SAXO1: variants seen among roughly 807,000 people sequenced by gnomAD.
SAXO1 encodes 4930500O09Rik.
A neutral mutation model predicts 17.5 loss-of-function variants in SAXO1; 21 were observed. That is an observed-to-expected ratio of 1.20 (90% CI 0.85 to 1.72). The LOEUF is 1.72. Among genes scored for constraint, SAXO1 ranks in the 40% most tolerant of loss-of-function variants. The pLI is 0.00. For synonymous variants in SAXO1, 274 were observed against 216.5 expected, an observed-to-expected ratio of 1.27 and a Z score of -2.33; for missense variants, 843 against 596.0, an observed-to-expected ratio of 1.41 and a Z score of -4.32.
chr9:19,012,996 T>G (rs986444922), intron 1 of SAXO1, among the ~76,000 whole-genome samples: 2 of 152,210 alleles, frequency 1.3e-5, no homozygotes, highest in Non-Finnish European at 2.9e-5. Flanking sequence ...GAAACAACCC[T>G]GCCTCATCAG....
intron 1 of SAXO1, among the ~76,000 whole-genome samples, chr9:19,039,145 A>T (rs570927732): frequency 6.6e-6 from 1 of 152,282 alleles, no homozygotes; most frequent in East Asian, 1.9e-4. Flanking sequence ...AAAAGAAAAA[A>T]AAAAAAGAAA....
intron 2 of SAXO1, among the ~76,000 whole-genome samples, chr9:18,943,363 G>C (rs988504496): frequency 8.5e-5 from 13 of 152,184 alleles, no homozygotes; most frequent in Non-Finnish European, 1.9e-4. Context: ...GTACATATCG[G>C]GGCTTATGGA....
At chr9:19,019,432 A>C (rs949455717) in intron 1 of SAXO1, among the ~76,000 whole-genome samples, 1 of 152,098 alleles carries the variant, frequency 6.6e-6, no homozygotes, top group Non-Finnish European at 1.5e-5. Flanking sequence ...CAAGAGTCAG[A>C]AAAAGTATAC....
At chr9:18,946,377 A>T (rs779440643) in intron 2 of SAXO1, among the ~76,000 whole-genome samples, 4 of 151,842 alleles carry the variant, frequency 2.6e-5, no homozygotes, top group Admixed American at 1.3e-4. Context: ...AGAGTCAAAG[A>T]CAGGAAGCCC....
intron 1 of SAXO1, among the ~76,000 whole-genome samples, chr9:18,990,539 C>G (rs1833773217): frequency 6.6e-6 from 1 of 152,182 alleles, no homozygotes; most frequent in African/African-American, 2.4e-5. Flanking sequence ...CCACTACACT[C>G]AAGCCTGGGT....
At chr9:18,951,457 T>C (rs1176465440) in intron 1 of SAXO1, among the ~76,000 whole-genome samples, 1 of 152,198 alleles carries the variant, frequency 6.6e-6, no homozygotes, top group Non-Finnish European at 1.5e-5. Flanking sequence ...AAAATCACCT[T>C]AGTTCTGAGT....
At chr9:18,954,701 T>C (rs557422504) in intron 1 of SAXO1, among the ~76,000 whole-genome samples, 1 of 152,280 alleles carries the variant, frequency 6.6e-6, no homozygotes, top group South Asian at 2.1e-4. Flanking sequence ...ATCTCCATTA[T>C]GTTATGTAGA....
At chr9:18,957,636 T>C (rs753896514) in intron 1 of SAXO1, among the ~76,000 whole-genome samples, 5 of 152,092 alleles carry the variant, frequency 3.3e-5, no homozygotes, top group Non-Finnish European at 5.9e-5. Flanking sequence ...CTGCCCAGGA[T>C]CGCCAAACAC....
intron 1 of SAXO1, among the ~76,000 whole-genome samples, chr9:19,039,197 A>T (rs1836016555): frequency 6.6e-6 from 1 of 152,230 alleles, no homozygotes; most frequent in Non-Finnish European, 1.5e-5. Flanking sequence ...AAAGGATTAA[A>T]CACCATGACC....
chr9:19,002,844 T>A (rs1035903786), intron 1 of SAXO1, among the ~76,000 whole-genome samples: 3 of 152,240 alleles, frequency 2.0e-5, no homozygotes, highest in Non-Finnish European at 4.4e-5. Context: ...AAGACAAGGA[T>A]GCCTTCTCTC....
chr9:19,031,116 G>C (rs1303098941), intron 1 of SAXO1, among the ~76,000 whole-genome samples: 1 of 152,226 alleles, frequency 6.6e-6, no homozygotes, highest in African/African-American at 2.4e-5. Context: ...GGGCAGGAGG[G>C]AGACTTCTCA....
chr9:18,984,531 A>C (rs1455305042), intron 1 of SAXO1, among the ~76,000 whole-genome samples: 1 of 152,228 alleles, frequency 6.6e-6, no homozygotes, highest in African/African-American at 2.4e-5. Context: ...TCCTGCTTCA[A>C]CTTGCACTTT....
chr9:19,022,078 G>T (rs900015782), intron 1 of SAXO1, among the ~76,000 whole-genome samples: 1 of 152,202 alleles, frequency 6.6e-6, no homozygotes, highest in East Asian at 1.9e-4. Context: ...CTATCTTTAT[G>T]AGCTGTAACA....
In SAXO1 at chr9:18,953,170, T is replaced by C. The variant is rs553077463; in HGVS notation, c.39-2233A>G. On this transcript the variant is annotated intron_variant, in intron 1 of 3. Coordinates refer to ENST00000380534, the MANE Select transcript of SAXO1 (RefSeq NM_153707.4). Reference sequence around the variant, plus strand: ...GCATGTATATTTTATTCACCCACATTCTAAAAGAAAAGTCAAGATTTTATT... The same window carrying C: ...GCATGTATATTTTATTCACCCACATCCTAAAAGAAAAGTCAAGATTTTATT... 2.6e-5 allele frequency among the ~76,000 whole-genome samples: 4 copies of C among 152,330 alleles called. No individual in the cohort carries two copies. The East Asian group carries it at 7.7e-4, about 29-fold the overall frequency.
At chr9:19,032,792 C>A in intron 1 of SAXO1, 79 bp downstream of exon 1, 1 of 1,507,670 alleles carries the variant, frequency 6.6e-7, no homozygotes, top group South Asian at 1.2e-5. Context: ...CCTGATGAAG[C>A]AGCTGGGGGA....
chr9:19,008,569 T>A (rs1834585273), intron 1 of SAXO1, among the ~76,000 whole-genome samples: 1 of 152,186 alleles, frequency 6.6e-6, no homozygotes, highest in Admixed American at 6.5e-5. Context: ...GTTGAGTGAT[T>A]GAGGCAGAAA....
At chr9:18,981,466 A>G (rs907137718) in intron 1 of SAXO1, among the ~76,000 whole-genome samples, 1 of 152,168 alleles carries the variant, frequency 6.6e-6, no homozygotes, top group Non-Finnish European at 1.5e-5. Context: ...GGGCTCCCTG[A>G]GCAGATCCTC....
chr9:18,960,682 C>A (rs1832447980), intron 1 of SAXO1, among the ~76,000 whole-genome samples: 1 of 152,056 alleles, frequency 6.6e-6, no homozygotes, highest in African/African-American at 2.4e-5. Flanking sequence ...ACTTGGGAAG[C>A]TAAGGCAAAA....
At chr9:19,021,714 C>A (rs1218862419) in intron 1 of SAXO1, among the ~76,000 whole-genome samples, 1 of 152,208 alleles carries the variant, frequency 6.6e-6, no homozygotes, top group Non-Finnish European at 1.5e-5. Context: ...CAGGTGGGTA[C>A]TTGGAGAACT....
Sources: allele counts gnomAD v4.1 joint callset (sites outside exome capture counted in the v4.1 genomes callset), GRCh38; gene constraint gnomAD v4.1.1; transcripts MANE v1.5; gene names NCBI Gene and HGNC (gene_info 2026-07-23, HGNC 2026-07-21).